The following F9 variants were observed in gnomAD, a reference collection of about 807,000 sequenced individuals.
F9 encodes Christmas factor.
In F9, 2 loss-of-function variants were observed where a neutral mutation model predicts 34.1. The observed-to-expected ratio is 0.06, with a 90% CI of 0.02 to 0.18. F9 has a LOEUF of 0.18. Ranked by LOEUF, F9 falls within the 10% of genes least tolerant of loss-of-function variation. F9 has a pLI of 1.00. For synonymous variants in F9, 137 were observed against 118.8 expected (o/e 1.15, Z -1.00); for missense variants, 216 against 345.1 (o/e 0.63, Z 2.96).
At chrX:139,534,957 A>T (rs761450510) in intron 1 of F9, among the ~76,000 whole-genome samples, 1 of 111,725 alleles carries the variant, frequency 9.0e-6, no homozygotes, top group Non-Finnish European at 1.9e-5. Context: ...TGGGAAGAGA[A>T]GGATGAAGGC....
intron 6 of F9, among the ~76,000 whole-genome samples, chrX:139,557,450 T>C (rs1234354711): frequency 8.9e-6 from 1 of 111,885 alleles, no homozygotes; most frequent in African/African-American, 3.2e-5. Context: ...ACCATATTTC[T>C]TAGCCATCCA....
intron 6 of F9, among the ~76,000 whole-genome samples, chrX:139,556,394 A>G (rs1473474939): frequency 1.8e-5 from 2 of 111,833 alleles, no homozygotes; most frequent in Non-Finnish European, 3.8e-5. Flanking sequence ...GCCTGAAGCT[A>G]TCTTTAAAGG....
chrX:139,532,315 T>C (rs1927361649), intron 1 of F9, among the ~76,000 whole-genome samples: 1 of 112,173 alleles, frequency 8.9e-6, no homozygotes, highest in South Asian at 3.7e-4. Flanking sequence ...TCTTCTGCTA[T>C]TAAACTCTCA....
chrX:139,542,822 A>G (rs1214419405), intron 4 of F9, among the ~76,000 whole-genome samples: 1 of 110,932 alleles, frequency 9.0e-6, no homozygotes, highest in African/African-American at 3.3e-5. Flanking sequence ...CAACTTGGAT[A>G]CTCTCATGTT....
intron 7 of F9, 144 bp from the exon 8 acceptor site, chrX:139,561,380 T>A: frequency 3.8e-6 from 2 of 521,942 alleles, no homozygotes; most frequent in Non-Finnish European, 6.3e-6. Context: ...GCATTGGCTC[T>A]CATTACATTT....
chrX:139,552,372 T>A, intron 6 of F9, among the ~76,000 whole-genome samples: 1 of 111,867 alleles, frequency 8.9e-6, no homozygotes, highest in East Asian at 2.8e-4. Flanking sequence ...CATTTTTCAT[T>A]TAACAACCAA....
At chrX:139,534,759 C>T (rs1194899691) in intron 1 of F9, among the ~76,000 whole-genome samples, 1 of 111,405 alleles carries the variant, frequency 9.0e-6, no homozygotes, top group African/African-American at 3.3e-5. Flanking sequence ...GGGGGTCTTG[C>T]CACCAATTTT....
intron 3 of F9, among the ~76,000 whole-genome samples, chrX:139,540,359 C>T (rs957648473): frequency 1.8e-5 from 2 of 112,252 alleles, no homozygotes; most frequent in Admixed American, 1.9e-4. Context: ...GGAAACATAA[C>T]CAATGCATAC....
rs1249305002 is a variant in F9, at chrX:139,552,726, C to A, written c.723+1462C>A. Among the ~76,000 whole-genome samples the A allele has an allele frequency of 2.7e-5, 3 of 112,386 alleles. No individual in the cohort carries two copies. In the East Asian group the frequency reaches 8.3e-4, roughly 31 times the overall value. On this transcript the variant is annotated intron_variant, in intron 6 of 7. Transcript: ENST00000218099. ...TACTGCAGAAATTTCTATTGGATAG[C>A]ACTTATAATAGTTTAGTGTAACTTA...
At position 139,548,507 on chromosome X, in the gene F9, A is replaced by C. The variant is rs188643991; in HGVS notation, c.520+16A>C. 8.3e-7 allele frequency: 1 copy of C among 1,198,735 alleles called. No individual in the cohort carries two copies. Among genetic ancestry groups the C allele is most frequent in the Admixed American group, 2.3e-5 (1 of 44,364 alleles). On this transcript the variant is annotated intron_variant, in intron 5 of 7. Coordinates refer to ENST00000218099, the MANE Select transcript of F9 (RefSeq NM_000133.4). The stretch of plus-strand genomic sequence containing the variant: ...GAACCAGCAGGTCATAATCTGAATA[A>C]GATTTTTTAAAGAAAATCTGTATCT...
chrX:139,540,085 A>T, intron 3 of F9, among the ~76,000 whole-genome samples: 1 of 110,800 alleles, frequency 9.0e-6, no homozygotes, highest in East Asian at 2.8e-4. Context: ...AGTCTTACAG[A>T]TCAAGCTCCT....
chrX:139,537,149 A>G lies in F9; in HGVS notation c.228A>G (p.Glu76=). ...EEKCSFEEAR[E]VFENTERTTE... ...AGTGTAGTTTTGAAGAAGCACGAGA[A>G]GTTTTTGAAAACACTGAAAGAACAG... The change falls in exon 2 of 8, where the codon GAA becomes GAG. Residue 76 remains glutamate (E), a synonymous_variant. Transcript: ENST00000218099. 8.3e-7 allele frequency: 1 copy of G among 1,211,146 alleles called. No homozygotes were observed. Among genetic ancestry groups the G allele is most frequent in the Non-Finnish European group, 1.1e-6 (1 of 895,023 alleles).
chrX:139,543,323 C>T (rs1480909129), intron 4 of F9, among the ~76,000 whole-genome samples: 1 of 111,192 alleles, frequency 9.0e-6, no homozygotes, highest in Admixed American at 9.6e-5. Context: ...GTATGATGTC[C>T]CTAGCTGTAC....
Position 139,548,446 on chromosome X carries a change from G to A in F9, c.475G>A (p.Glu159Lys). 8.3e-7 allele frequency: 1 copy of A among 1,210,361 alleles called. No individual in the cohort carries two copies. Among genetic ancestry groups the A allele is most frequent in the South Asian group, 1.8e-5 (1 of 56,822 alleles). ...ADNKVVCSCT[E>K]GYRLAENQKS... ...TAACAAGGTGGTTTGCTCCTGTACTGAGGGATATCGACTTGCAGAAAACCA... is the reference window on the plus strand; with the variant it reads ...TAACAAGGTGGTTTGCTCCTGTACTAAGGGATATCGACTTGCAGAAAACCA... Residue 159 changes from glutamate to lysine, a missense_variant, in exon 5 of 8, where the codon GAG becomes AAG. Around this residue, in one of 2 missense-constraint regions of F9, gnomAD observed 177 missense variants for 311.8 expected, o/e 0.57. Coordinates refer to ENST00000218099, the MANE Select transcript of F9 (RefSeq NM_000133.4).
At chrX:139,554,334 A>T (rs999201202) in intron 6 of F9, among the ~76,000 whole-genome samples, 1 of 112,094 alleles carries the variant, frequency 8.9e-6, no homozygotes, top group Non-Finnish European at 1.9e-5. Context: ...ATGAACTAAG[A>T]TTACTGATGT....
At chrX:139,560,521 C>T (rs1201880401) in intron 6 of F9, among the ~76,000 whole-genome samples, 1 of 112,178 alleles carries the variant, frequency 8.9e-6, no homozygotes, top group African/African-American at 3.2e-5. Context: ...GCTTCCCTGT[C>T]TCTCATTGTG....
At chrX:139,539,297 C>T (rs1927551278) in intron 3 of F9, among the ~76,000 whole-genome samples, 1 of 112,351 alleles carries the variant, frequency 8.9e-6, no homozygotes, top group Non-Finnish European at 1.9e-5. Flanking sequence ...TGCCAAAGGT[C>T]TCCCAGTTGG....
chrX:139,541,218 G>A (rs755062115), intron 4 of F9, 29 bp downstream of exon 4: 242 of 1,015,559 alleles, frequency 2.4e-4, no homozygotes, highest in Non-Finnish European at 3.0e-4. Flanking sequence ...AATACTCATG[G>A]TTCAAAGTTT....
chrX:139,538,041 C>A (rs1286963934), intron 3 of F9, among the ~76,000 whole-genome samples: 1 of 111,572 alleles, frequency 9.0e-6, no homozygotes, highest in Non-Finnish European at 1.9e-5. Flanking sequence ...TTCAACCTGC[C>A]CCAGTAGCCT....
Sources: gnomAD v4.1 joint callset for allele counts (sites outside exome capture counted in the v4.1 genomes callset) on GRCh38, gnomAD v4.1.1 for gene constraint, gnomAD v4.1.1 regional missense constraint, MANE v1.5 for transcripts, NCBI Gene and HGNC (gene_info 2026-07-23, HGNC 2026-07-21) for gene names.